The following DLG2 variants were observed in gnomAD, a reference collection of about 807,000 sequenced individuals.
The protein encoded by DLG2 is discs large MAGUK scaffold protein 2.
Under a neutral mutation model 132.5 loss-of-function variants are expected in DLG2, and 45 were observed. That is an observed-to-expected ratio of 0.34 (90% CI 0.27 to 0.44). The LOEUF (loss-of-function observed/expected upper bound fraction) is 0.44, where lower values mean the gene tolerates loss of function less well. Ranked by LOEUF, DLG2 falls within the 20% of genes least tolerant of loss-of-function variation. The probability of loss-of-function intolerance (pLI) is 1.00; values close to 1 mark genes in which losing one functional copy is unlikely to be tolerated. For synonymous variants in DLG2, 424 were observed against 419.6 expected, an observed-to-expected ratio of 1.01 and a Z score of -0.13; for missense variants, 1,045 against 1,196.9, an observed-to-expected ratio of 0.87 and a Z score of 1.87.
rs1279766272 is a variant in DLG2, at chr11:83,787,314, TTTTTTTTTG to T, written c.1723-531_1723-523del. On this transcript the variant is annotated intron_variant, in intron 17 of 27. Coordinates refer to ENST00000376104, the MANE Select transcript of DLG2 (RefSeq NM_001142699.3). The stretch of plus-strand genomic sequence containing the variant: ...CTGGTTAGACAGCCTTAAGCCTTGT[TTTTTTTTTG>T]TTTTTTTTTTTTTTTTTAGACAGAG... 1.6e-4 allele frequency among the ~76,000 whole-genome samples: 14 copies of T among 88,714 alleles called. 1 individual carries two copies. Among genetic ancestry groups the T allele is most frequent in the African/African-American group, 6.8e-4 (11 of 16,244 alleles). The allele number at this position is 88,714 out of a possible 152,430, so 58.2% of individuals were successfully genotyped here.
chr11:84,130,809 C>T (rs1014441589), intron 9 of DLG2, among the ~76,000 whole-genome samples: 2 of 151,588 alleles, frequency 1.3e-5, no homozygotes, highest in African/African-American at 4.8e-5. Flanking sequence ...GCAAATGGCC[C>T]CAGTTGCTTC....
At chr11:83,563,099 C>T (rs1194223329) in intron 19 of DLG2, among the ~76,000 whole-genome samples, 4 of 151,258 alleles carry the variant, frequency 2.6e-5, no homozygotes, top group East Asian at 2.0e-4. Flanking sequence ...CTCAGCCTCC[C>T]AAGTAGCTGG....
At chr11:84,287,037 T>A (rs1035968456) in intron 7 of DLG2, among the ~76,000 whole-genome samples, 1 of 152,214 alleles carries the variant, frequency 6.6e-6, no homozygotes, top group East Asian at 1.9e-4. Flanking sequence ...TTGATAATGA[T>A]GTTTATGTCA....
chr11:83,932,597 T>C (rs559409063), intron 14 of DLG2, among the ~76,000 whole-genome samples: 1 of 152,202 alleles, frequency 6.6e-6, no homozygotes, highest in African/African-American at 2.4e-5. Flanking sequence ...GTATGTATAT[T>C]ATGTACTAGA....
chr11:84,732,039 T>C (rs1283538070), intron 6 of DLG2, among the ~76,000 whole-genome samples: 1 of 152,052 alleles, frequency 6.6e-6, no homozygotes, highest in Non-Finnish European at 1.5e-5. Flanking sequence ...TCATACAATA[T>C]GTGTTTGGAG....
intron 11 of DLG2, among the ~76,000 whole-genome samples, chr11:83,985,443 C>G (rs1434223798): frequency 6.6e-6 from 1 of 152,020 alleles, no homozygotes; most frequent in African/African-American, 2.4e-5. Context: ...CTGCAAAGAT[C>G]AACCCATCAA....
chr11:85,436,806 T>C (rs1190019278), intron 3 of DLG2, among the ~76,000 whole-genome samples: 1 of 152,256 alleles, frequency 6.6e-6, no homozygotes, highest in African/African-American at 2.4e-5. Context: ...TTACTGGGTA[T>C]ATACCCAAAG....
chr11:83,888,865 G>A (rs1042367107), intron 15 of DLG2, among the ~76,000 whole-genome samples: 1 of 152,050 alleles, frequency 6.6e-6, no homozygotes, highest in Non-Finnish European at 1.5e-5. Flanking sequence ...AAAGGATTCC[G>A]TATTTAATAC....
intron 20 of DLG2, among the ~76,000 whole-genome samples, chr11:83,534,877 A>G (rs1233347857): frequency 6.6e-6 from 1 of 152,248 alleles, no homozygotes; most frequent in Non-Finnish European, 1.5e-5. Flanking sequence ...CGGGAGGTGG[A>G]GGTTGCAGTG....
chr11:84,118,292 G>A (rs1463955395), intron 9 of DLG2, among the ~76,000 whole-genome samples: 1 of 152,190 alleles, frequency 6.6e-6, no homozygotes, highest in Non-Finnish European at 1.5e-5. Flanking sequence ...GCCTCCTGCT[G>A]CATCAAATGT....
intron 6 of DLG2, among the ~76,000 whole-genome samples, chr11:84,776,482 C>G (rs1296916342): frequency 6.6e-6 from 1 of 152,140 alleles, no homozygotes; most frequent in Non-Finnish European, 1.5e-5. Context: ...CATTTCTACT[C>G]ATGTAATCAC....
intron 7 of DLG2, among the ~76,000 whole-genome samples, chr11:84,521,381 A>T (rs2099299756): frequency 6.6e-6 from 1 of 152,204 alleles, no homozygotes; most frequent in Non-Finnish European, 1.5e-5. Context: ...CTAGGAATCC[A>T]AGACCCGGAT....
At chr11:84,207,422 T>C in intron 8 of DLG2, among the ~76,000 whole-genome samples, 1 of 152,062 alleles carries the variant, frequency 6.6e-6, no homozygotes, top group Non-Finnish European at 1.5e-5. Flanking sequence ...TAAGACAGTA[T>C]GGTATTGGCA....
At chr11:83,614,392 G>T (rs1374510085) in intron 19 of DLG2, among the ~76,000 whole-genome samples, 1 of 152,120 alleles carries the variant, frequency 6.6e-6, no homozygotes, top group Non-Finnish European at 1.5e-5. Context: ...GAAGTCATGC[G>T]CATGGGCAAC....
Position 84,191,911 on chromosome 11 carries a change from T to TA in DLG2, c.574-28401dup, listed in dbSNP as rs879353524. Among the ~76,000 whole-genome samples, 673 of 145,710 alleles carry TA rather than the reference T, an allele frequency of 4.6e-3. 6 individuals are homozygous for TA. The highest frequency in any genetic ancestry group is 0.011 in the African/African-American group (456 of 39,916). ...TTCTGTTAAATCTGCTGCTGAAACT[T>TA]AAAAAAAAAAAATGCTGAGCACGGA... On this transcript the variant is annotated intron_variant, in intron 8 of 27. Transcript: ENST00000376104.
At chr11:83,563,632 A>T (rs914904422) in intron 19 of DLG2, among the ~76,000 whole-genome samples, 3 of 152,212 alleles carry the variant, frequency 2.0e-5, no homozygotes. Context: ...TAAGTACTTC[A>T]CAGGCATTAT....
chr11:85,114,942 G>C (rs1053616995), intron 5 of DLG2, among the ~76,000 whole-genome samples: 1 of 151,918 alleles, frequency 6.6e-6, no homozygotes, highest in Non-Finnish European at 1.5e-5. Context: ...GTGTGTGGCA[G>C]AGTGAGAGAT....
intron 7 of DLG2, among the ~76,000 whole-genome samples, chr11:84,518,158 T>C: frequency 1.1e-5 from 1 of 91,840 alleles, no homozygotes; most frequent in African/African-American, 4.4e-5. Context: ...AAACTATTAG[T>C]GGCCAACGTA....
At chr11:83,584,845 C>T (rs886306319) in intron 19 of DLG2, among the ~76,000 whole-genome samples, 13 of 152,302 alleles carry the variant, frequency 8.5e-5, no homozygotes, top group African/African-American at 3.1e-4. Flanking sequence ...AGTTAAAAAT[C>T]ATTCATTCCT....
Sources: allele counts gnomAD v4.1 joint callset (sites outside exome capture counted in the v4.1 genomes callset), GRCh38; gene constraint gnomAD v4.1.1; transcripts MANE v1.5; gene names NCBI Gene and HGNC (gene_info 2026-07-23, HGNC 2026-07-21).